Variants in ERCC2 observed in about 807,000 individuals in gnomAD.
The protein encoded by ERCC2 is ERCC excision repair 2, TFIIH core complex helicase subunit, also known as general transcription and DNA repair factor IIH helicase subunit XPD.
Under a neutral mutation model 99.4 loss-of-function variants are expected in ERCC2, and 90 were observed. The ratio of observed to expected loss-of-function variants is 0.91; its 90% CI spans 0.76 to 1.08. ERCC2 has a LOEUF of 1.08. ERCC2 is among the 50% of genes least tolerant of loss of function. ERCC2 has a pLI of 0.00. For synonymous variants in ERCC2, 497 were observed against 432.4 expected (o/e 1.15, Z -1.85); for missense variants, 993 against 1,038.1 (o/e 0.96, Z 0.60).
At chr19:45,357,903 C>T in intron 12 of ERCC2, 1 of 618,672 alleles carries the variant, frequency 1.6e-6, no homozygotes, top group African/African-American at 1.8e-5. Flanking sequence ...GCTTCGGGCC[C>T]ACACCTGTGC....
At position 45,363,821 on chromosome 19, in the gene ERCC2, T is replaced by C. The variant is rs1270366302; in HGVS notation, c.1040A>G (p.Gln347Arg). The C allele has an allele frequency of 1.3e-6, 2 of 1,541,282 alleles. No homozygotes were observed. The highest frequency in any genetic ancestry group is 8.7e-7 in the Non-Finnish European group (1 of 1,149,828). Residue 347 changes from glutamine (Q) to arginine (R), a missense_variant, in exon 11 of 23, where the codon CAG (glutamine) becomes CGG (arginine). Gln to Arg is a conservative substitution (Grantham distance 43). Transcript: ENST00000391945. ...GGGCGGGCTCTCCTGCACCACATGC[T>C]GCACACGCAGCCGCCACTTCACGTA... ...LEYVKWRLRV[Q>R]HVVQESPPAF...
chr19:45,356,807 C>T (rs1422193841), intron 15 of ERCC2, among the ~76,000 whole-genome samples: 2 of 152,138 alleles, frequency 1.3e-5, no homozygotes, highest in African/African-American at 2.4e-5. Context: ...GACTCCGTCG[C>T]ACAACAAAAA....
At chr19:45,357,927 G>T (rs2123253963) in intron 12 of ERCC2, 1 of 602,506 alleles carries the variant, frequency 1.7e-6, no homozygotes, top group Non-Finnish European at 3.0e-6. Context: ...CTTTCACGAA[G>T]GATCCCAAGT....
At position 45,364,882 on chromosome 19, in the gene ERCC2, C is replaced by T; in HGVS notation, c.550G>A (p.Gly184Arg). Residue 184 changes from glycine to arginine, a missense_variant, in exon 7 of 23, where the codon GGG (glycine) becomes AGG (arginine). Coordinates refer to ENST00000391945, the MANE Select transcript of ERCC2 (RefSeq NM_000400.4). ...TATGGGCACCAGCCCTGGCGCCGCC[C>T]CAGGGCCTTCAGGTCATCCAGGTTG... ...IYNLDDLKAL[G>R]RRQGWCPYFL... 1 of 1,614,172 alleles carries T rather than the reference C, an allele frequency of 6.2e-7. No individual in the cohort carries two copies. The highest frequency in any genetic ancestry group is 8.5e-7 in the Non-Finnish European group (1 of 1,180,032).
intron 15 of ERCC2, among the ~76,000 whole-genome samples, chr19:45,356,357 G>C (rs910921371): frequency 6.6e-6 from 1 of 152,132 alleles, no homozygotes; most frequent in Non-Finnish European, 1.5e-5. Context: ...GCCCTGCCCC[G>C]AGTCTCTCCA....
chr19:45,355,152 T>C (rs1345452283), intron 16 of ERCC2, among the ~76,000 whole-genome samples: 2 of 151,718 alleles, frequency 1.3e-5, no homozygotes, highest in Non-Finnish European at 2.9e-5. Flanking sequence ...AAGTCAGGAG[T>C]TTGAGATCAG....
At position 45,364,933 on chromosome 19, in the gene ERCC2, C is replaced by G. The variant is rs367829012; in HGVS notation, c.499G>C (p.Glu167Gln). 8.4e-5 allele frequency: 135 copies of G among 1,613,948 alleles called. No homozygotes were observed. The highest frequency in any genetic ancestry group is 1.1e-4 in the Non-Finnish European group (128 of 1,179,996). ...TAGATGCCAGCGGGGAGGGGCACCT[C>G]ACGCCCATGGGCATCAAATTCCTGG... Reference protein sequence around the residue: ...FYEEFDAHGREVPLPAGIYNL... With the variant: ...FYEEFDAHGRQVPLPAGIYNL... The change falls in exon 7 of 23, where the codon GAG becomes CAG. Residue 167 changes from glutamate to glutamine, a missense_variant. Physicochemically the swap from Glu to Gln is conservative, Grantham distance 29. Transcript: ENST00000391945.
intron 7 of ERCC2, 105 bp downstream of exon 7, chr19:45,364,733 A>G: frequency 8.0e-7 from 1 of 1,243,962 alleles, no homozygotes; most frequent in Admixed American, 1.8e-5. Flanking sequence ...AGATGCAGAC[A>G]GGCAGACTCA....
At chr19:45,360,711 G>T (rs567719849) in intron 12 of ERCC2, among the ~76,000 whole-genome samples, 2 of 152,048 alleles carry the variant, frequency 1.3e-5, no homozygotes, top group African/African-American at 4.8e-5. Context: ...TAAAGATGGG[G>T]TTTCGCCATG....
At position 45,369,008 on chromosome 19, in the gene ERCC2, G is replaced by A. The variant is rs756934153; in HGVS notation, c.184-16C>T. The A allele has an allele frequency of 2.1e-5, 34 of 1,613,994 alleles. 1 individual carries two copies. The highest frequency in any genetic ancestry group is 1.1e-4 in the African/African-American group (8 of 74,916). ...GCGGATATGCCTGCCGATAACAAGC[G>A]GACTCAGTCCCTGTCCCGCCCCTTC... is the stretch of plus-strand genomic sequence containing the variant. On this transcript the variant is annotated splice_polypyrimidine_tract_variant and intron_variant, in intron 3 of 22. Coordinates refer to ENST00000391945, the MANE Select transcript of ERCC2 (RefSeq NM_000400.4).
intron 1 of ERCC2, 48 bp from the exon 2 acceptor site, chr19:45,370,280 C>A: frequency 1.2e-6 from 2 of 1,601,484 alleles, no homozygotes; most frequent in South Asian, 2.2e-5. Context: ...CAGCCCCTCT[C>A]CCGCCTCCAC....
chr19:45,354,605 G>T, intron 17 of ERCC2, 125 bp downstream of exon 17: 1 of 1,240,628 alleles, frequency 8.1e-7, no homozygotes, highest in Non-Finnish European at 1.2e-6. Flanking sequence ...CCTACATGCT[G>T]CACACACTCT....
rs764513844 is a variant in ERCC2 at position 45,370,180 on chromosome 19, C to T, written c.58G>A (p.Glu20Lys). The T allele has an allele frequency of 6.2e-7, 1 of 1,613,482 alleles. No homozygotes were observed. The highest frequency in any genetic ancestry group is 2.2e-5 in the East Asian group (1 of 44,850). ...VYFPYDYIYPEQFSYMRELKR... is the reference protein window; with the variant it reads ...VYFPYDYIYPKQFSYMRELKR... ...AGCTCCCGCATGTAGGAGAACTGCT[C>T]GGGGTAGATGTAGTCGTACGGGAAG... The change falls in exon 2 of 23, where the codon GAG becomes AAG. Residue 20 changes from glutamate to lysine, a missense_variant. Around this residue, in one of 3 missense-constraint regions of ERCC2, gnomAD observed 55 missense variants for 45.1 expected, o/e 1.22. Coordinates refer to ENST00000391945, the MANE Select transcript of ERCC2 (RefSeq NM_000400.4).
chr19:45,365,684 G>C (rs895057239), intron 5 of ERCC2, among the ~76,000 whole-genome samples: 1 of 151,240 alleles, frequency 6.6e-6, no homozygotes, highest in African/African-American at 2.4e-5. Context: ...CCAGCTACTC[G>C]GGAGGCTGAG....
rs762379655 is a variant in ERCC2, at chr19:45,364,243, C to T, written c.807G>A (p.Thr269=). 2 of 1,613,684 alleles carry T rather than the reference C, an allele frequency of 1.2e-6. No homozygotes were observed. Among genetic ancestry groups the T allele is most frequent in the African/African-American group, 1.3e-5 (1 of 75,060 alleles). The change falls in exon 9 of 23, where the codon ACG becomes ACA. Residue 269 remains threonine, a synonymous_variant. Transcript: ENST00000391945. ...CQGNLETLQK[T]VLRIKETDEQ... is the part of the protein sequence containing the mutation. ...GACGTCCCCGGCCCCACCTGAGCAC[C>T]GTCTTCTGCAGGGTCTCCAGGTTGC...
intron 19 of ERCC2, 77 bp downstream of exon 19, chr19:45,353,006 G>T: frequency 6.7e-7 from 1 of 1,490,046 alleles, no homozygotes; most frequent in Non-Finnish European, 9.3e-7. Context: ...TTCCCCGCGG[G>T]AGCAGACAGC....
At chr19:45,360,990 G>T (rs3916827) in intron 12 of ERCC2, among the ~76,000 whole-genome samples, 4 of 152,116 alleles carry the variant, frequency 2.6e-5, no homozygotes, top group Admixed American at 1.3e-4. Flanking sequence ...AATTAGCTGG[G>T]TATAGTGGCA....
At chr19:45,357,826 G>T in intron 12 of ERCC2, 127 bp from the exon 13 acceptor site, 1 of 854,614 alleles carries the variant, frequency 1.2e-6, no homozygotes, top group African/African-American at 1.7e-5. Context: ...GGGAGTAAAT[G>T]CGACCAAACA....
At chr19:45,356,235 G>A (rs1023682843) in intron 15 of ERCC2, among the ~76,000 whole-genome samples, 1 of 152,184 alleles carries the variant, frequency 6.6e-6, no homozygotes, top group Non-Finnish European at 1.5e-5. Context: ...CAACCACCAT[G>A]CAGTGGGGGT....
Sources: gnomAD v4.1 joint callset for allele counts (sites outside exome capture counted in the v4.1 genomes callset) on GRCh38, gnomAD v4.1.1 for gene constraint, gnomAD v4.1.1 regional missense constraint, MANE v1.5 for transcripts, NCBI Gene and HGNC (gene_info 2026-07-23, HGNC 2026-07-21) for gene names.